The following CYTIP variants were observed in gnomAD, a reference collection of about 807,000 sequenced individuals.
CYTIP encodes cytohesin-interacting protein.
A neutral mutation model predicts 43.8 loss-of-function variants in CYTIP; 26 were observed. The observed-to-expected ratio is 0.59, with a 90% CI of 0.44 to 0.82. The LOEUF (loss-of-function observed/expected upper bound fraction) is 0.82, where lower values mean the gene tolerates loss of function less well. Among genes scored for constraint, CYTIP ranks in the 40% least tolerant of loss-of-function variants. The pLI is 0.00. For missense variants in CYTIP, 426 were observed against 443.1 expected (o/e 0.96, Z 0.35); for synonymous variants, 162 against 162.9 (o/e 0.99, Z 0.04).
At chr2:157,441,196 T>C (rs1056167783) in intron 1 of CYTIP, among the ~76,000 whole-genome samples, 1 of 152,078 alleles carries the variant, frequency 6.6e-6, no homozygotes, top group African/African-American at 2.4e-5. Flanking sequence ...GTGTTGAAAA[T>C]AACAGTAGGC....
chr2:157,429,994 T>A (rs188080823), intron 5 of CYTIP, among the ~76,000 whole-genome samples: 80 of 135,018 alleles, frequency 5.9e-4, no homozygotes, highest in African/African-American at 2.3e-3. Context: ...CTGCACTCCA[T>A]CCAGGGCGAC....
intron 6 of CYTIP, among the ~76,000 whole-genome samples, chr2:157,422,789 T>C (rs946864159): frequency 1.3e-5 from 2 of 150,720 alleles, no homozygotes; most frequent in African/African-American, 2.4e-5. Context: ...AAATTTGAAA[T>C]GACAAAACAA....
chr2:157,439,005 G>T, intron 1 of CYTIP: 1 of 368,016 alleles, frequency 2.7e-6, no homozygotes, highest in South Asian at 2.1e-5. Flanking sequence ...CCACAGGACA[G>T]ACCTGAAGCC....
intron 3 of CYTIP, among the ~76,000 whole-genome samples, chr2:157,432,878 C>T (rs1012009247): frequency 6.6e-6 from 1 of 152,152 alleles, no homozygotes; most frequent in East Asian, 1.9e-4. Flanking sequence ...AGAGCATATA[C>T]CAGAGGGAAT....
intron 3 of CYTIP, chr2:157,434,168 G>A (rs1380521752): frequency 1.3e-5 from 8 of 615,490 alleles, no homozygotes; most frequent in South Asian, 1.9e-5. Context: ...ATATCGCAGA[G>A]GTTTTGTTAT....
chr2:157,435,741 T>C (rs1685799746), intron 1 of CYTIP, among the ~76,000 whole-genome samples: 1 of 152,190 alleles, frequency 6.6e-6, no homozygotes, highest in Non-Finnish European at 1.5e-5. Flanking sequence ...CAACCTGAAA[T>C]GGTTGTCATA....
At chr2:157,435,153 G>T (rs1685791366) in intron 1 of CYTIP, among the ~76,000 whole-genome samples, 3 of 152,054 alleles carry the variant, frequency 2.0e-5, no homozygotes, top group Admixed American at 1.3e-4. Flanking sequence ...GCCTCTGAAA[G>T]ATTAACCATA....
At chr2:157,432,616 C>A (rs1222962768) in intron 3 of CYTIP, among the ~76,000 whole-genome samples, 2 of 152,150 alleles carry the variant, frequency 1.3e-5, no homozygotes, top group Admixed American at 1.3e-4. Flanking sequence ...GTCTGCATTC[C>A]TATTGGGCTG....
intron 6 of CYTIP, among the ~76,000 whole-genome samples, chr2:157,423,292 G>A (rs570149403): frequency 6.6e-5 from 10 of 151,256 alleles, no homozygotes; most frequent in Non-Finnish European, 1.0e-4. Context: ...CGTAGAGAAA[G>A]AGTTATCAAG....
intron 1 of CYTIP, chr2:157,438,850 A>G (rs1028029721): frequency 1.3e-5 from 3 of 227,066 alleles, no homozygotes; most frequent in South Asian, 5.0e-5. Flanking sequence ...ATAAATTATT[A>G]GTAAAATTTT....
At chr2:157,434,482 A>G in intron 2 of CYTIP, 58 bp from the exon 3 acceptor site, 12 of 1,311,168 alleles carry the variant, frequency 9.2e-6, no homozygotes, top group Non-Finnish European at 1.3e-5. Context: ...CACATTTGGC[A>G]CAGATCTATC....
chr2:157,415,999 A>G lies in CYTIP; in HGVS notation c.758T>C (p.Met253Thr). The G allele has an allele frequency of 6.2e-7, 1 of 1,614,186 alleles. No individual in the cohort carries two copies. Among genetic ancestry groups the G allele is most frequent in the South Asian group, 1.1e-5 (1 of 91,088 alleles). ...ESSCKSWLSS[M>T]TMDSEDGYQT... ...GTAGCCATCTTCACTGTCCATCGTC[A>G]TGGAGCTCAGCCAGCTCTTACAGCT... Residue 253 changes from methionine to threonine, a missense_variant, in exon 8 of 8, where the codon ATG (methionine) becomes ACG (threonine). Coordinates refer to ENST00000264192, the MANE Select transcript of CYTIP (RefSeq NM_004288.5).
chr2:157,415,121 T>C lies in CYTIP; in HGVS notation c.*556A>G, dbSNP rs1054108447. 5 of 153,534 alleles carry C rather than the reference T, an allele frequency of 3.3e-5. No individual in the cohort carries two copies. Among genetic ancestry groups the C allele is most frequent in the African/African-American group, 1.2e-4 (5 of 41,452 alleles). 9.5% of individuals were successfully genotyped at this position (153,534 alleles called of 1,614,324 possible). A position where few individuals can be genotyped will look rare whatever the true frequency, so the allele number is the denominator to read the frequency against. The stretch of plus-strand genomic sequence containing the variant: ...ATGAACCTTAACCCCTCCTATTAAA[T>C]CTTATACTTCCCGCTTTATTGTCAC... On this transcript the variant is annotated 3_prime_UTR_variant, in exon 8 of 8. Coordinates refer to ENST00000264192, the MANE Select transcript of CYTIP (RefSeq NM_004288.5).
At chr2:157,431,767 G>A (rs1320431413) in intron 3 of CYTIP, among the ~76,000 whole-genome samples, 4 of 152,086 alleles carry the variant, frequency 2.6e-5, no homozygotes, top group Admixed American at 1.3e-4. Flanking sequence ...AGTAGAGTAC[G>A]TCTTTTAAAC....
chr2:157,437,512 C>A (rs1479831114), intron 1 of CYTIP, among the ~76,000 whole-genome samples: 1 of 151,784 alleles, frequency 6.6e-6, no homozygotes, highest in African/African-American at 2.4e-5. Context: ...ATCAGCCTGG[C>A]CAACATGGTA....
intron 6 of CYTIP, among the ~76,000 whole-genome samples, chr2:157,424,950 A>G (rs1418717476): frequency 6.6e-6 from 1 of 152,130 alleles, no homozygotes; most frequent in Non-Finnish European, 1.5e-5. Context: ...GGAAAGGGGG[A>G]CTACAAAATA....
chr2:157,420,874 T>G (rs1685511979), intron 6 of CYTIP, among the ~76,000 whole-genome samples: 1 of 152,108 alleles, frequency 6.6e-6, no homozygotes, highest in African/African-American at 2.4e-5. Context: ...AGGTCAACAG[T>G]AAAAACTAGA....
At chr2:157,432,126 A>C (rs1189797990) in intron 3 of CYTIP, among the ~76,000 whole-genome samples, 1 of 152,178 alleles carries the variant, frequency 6.6e-6, no homozygotes, top group Non-Finnish European at 1.5e-5. Flanking sequence ...TACATGAATA[A>C]AATATACAAC....
In CYTIP at chr2:157,421,158, T is replaced by G. The variant is rs544380395; in HGVS notation, c.547-2569A>C. Among the ~76,000 whole-genome samples the G allele has an allele frequency of 4.6e-5, 7 of 152,312 alleles. No individual in the cohort carries two copies. The South Asian group carries it at 1.4e-3, about 32-fold the overall frequency. ...TCTGTTTCTGCCTGTGTTACTGACA[T>G]CACAATTGTTTATTTAGACATATCT... On this transcript the variant is annotated intron_variant, in intron 6 of 7. Transcript: ENST00000264192.
Sources: gnomAD v4.1 joint callset for allele counts (sites outside exome capture counted in the v4.1 genomes callset) on GRCh38, gnomAD v4.1.1 for gene constraint, MANE v1.5 for transcripts, NCBI Gene and HGNC (gene_info 2026-07-23, HGNC 2026-07-21) for gene names.